SLC24A3: variants seen among roughly 807,000 people sequenced by gnomAD.
SLC24A3 encodes sodium/potassium/calcium exchanger 3.
Under a neutral mutation model 75.8 loss-of-function variants are expected in SLC24A3, and 28 were observed. That is an observed-to-expected ratio of 0.37 (90% CI 0.27 to 0.51). SLC24A3 has a LOEUF of 0.51. Among genes scored for constraint, SLC24A3 ranks in the 20% least tolerant of loss-of-function variants. SLC24A3 has a pLI of 0.94. For synonymous variants in SLC24A3, 372 were observed against 334.1 expected, an observed-to-expected ratio of 1.11 and a Z score of -1.24; for missense variants, 663 against 847.8, an observed-to-expected ratio of 0.78 and a Z score of 2.71.
intron 1 of SLC24A3, chr20:19,242,618 C>A (rs1336040852): frequency 6.6e-6 from 1 of 152,102 alleles, no homozygotes; most frequent in Admixed American, 6.5e-5. Context: ...CATGACCTTC[C>A]TACAGATATA....
intron 2 of SLC24A3, among the ~76,000 whole-genome samples, chr20:19,468,433 C>T (rs1365392909): frequency 2.0e-5 from 3 of 151,896 alleles, no homozygotes; most frequent in African/African-American, 7.3e-5. Flanking sequence ...AGGGACATTT[C>T]CATTTTAACA....
intron 2 of SLC24A3, among the ~76,000 whole-genome samples, chr20:19,443,676 C>T (rs1247220198): frequency 6.6e-6 from 1 of 152,094 alleles, no homozygotes; most frequent in Non-Finnish European, 1.5e-5. Context: ...TTTTCTTGTC[C>T]TATTACATTG....
At chr20:19,298,478 G>A (rs948818502) in intron 2 of SLC24A3, among the ~76,000 whole-genome samples, 2 of 152,192 alleles carry the variant, frequency 1.3e-5, no homozygotes, top group Non-Finnish European at 2.9e-5. Flanking sequence ...GCCTTGCTAA[G>A]TTCTTGTTCC....
At chr20:19,291,961 C>T (rs907405663) in intron 2 of SLC24A3, among the ~76,000 whole-genome samples, 4 of 152,312 alleles carry the variant, frequency 2.6e-5, no homozygotes, top group African/African-American at 9.6e-5. Flanking sequence ...CAGTACCCAC[C>T]CTGTCTTGGG....
At chr20:19,255,162 C>T (rs1982775599) in intron 1 of SLC24A3, among the ~76,000 whole-genome samples, 1 of 152,248 alleles carries the variant, frequency 6.6e-6, no homozygotes, top group Admixed American at 6.5e-5. Flanking sequence ...GTTTGTACCT[C>T]ATCTCCAGGG....
intron 2 of SLC24A3, among the ~76,000 whole-genome samples, chr20:19,363,739 G>A (rs556714968): frequency 2.4e-4 from 37 of 152,246 alleles, no homozygotes; most frequent in South Asian, 2.1e-4. Flanking sequence ...CTTAACAATC[G>A]CTTATTTTGT....
In SLC24A3 at chr20:19,654,612, C is replaced by T. The variant is rs572709398; in HGVS notation, c.687+476C>T. Among the ~76,000 whole-genome samples the T allele has an allele frequency of 4.0e-5, 6 of 151,668 alleles. No individual in the cohort carries two copies. In the South Asian group the frequency reaches 1.3e-3, roughly 32 times the overall value. ...AACTCTCTACTAGACATCTCCATGCCCCAACTCAACATGTCCCTAAATAGA... is the reference window on the plus strand; with the variant it reads ...AACTCTCTACTAGACATCTCCATGCTCCAACTCAACATGTCCCTAAATAGA... On this transcript the variant is annotated intron_variant, in intron 7 of 16. Transcript: ENST00000328041.
chr20:19,292,260 C>T (rs760605269), intron 2 of SLC24A3, among the ~76,000 whole-genome samples: 1 of 152,186 alleles, frequency 6.6e-6, no homozygotes, highest in Non-Finnish European at 1.5e-5. Context: ...TTGCAACAGT[C>T]CTGAGGGGTC....
chr20:19,409,475 A>G (rs553319209), intron 2 of SLC24A3, among the ~76,000 whole-genome samples: 1 of 151,946 alleles, frequency 6.6e-6, no homozygotes, highest in Admixed American at 6.5e-5. Context: ...CAGACAAGTG[A>G]ACTAGAAAAG....
At chr20:19,531,661 A>G (rs2030301816) in intron 3 of SLC24A3, among the ~76,000 whole-genome samples, 1 of 152,238 alleles carries the variant, frequency 6.6e-6, no homozygotes, top group African/African-American at 2.4e-5. Flanking sequence ...AATCAAACAA[A>G]GAAGTATTAC....
At chr20:19,235,884 G>A (rs6035261) in intron 1 of SLC24A3, among the ~76,000 whole-genome samples, 97,215 of 152,048 alleles carry the variant, frequency 0.64, 32,292 homozygotes, top group East Asian at 0.96. Context: ...GAGCCAGTCT[G>A]TAGTCTTCAA....
intron 4 of SLC24A3, among the ~76,000 whole-genome samples, chr20:19,584,659 G>T (rs1399745483): frequency 6.6e-6 from 1 of 152,126 alleles, no homozygotes; most frequent in Non-Finnish European, 1.5e-5. Flanking sequence ...GCGGGAATTG[G>T]GTTGAAGACC....
At chr20:19,300,558 G>T (rs140791994) in intron 2 of SLC24A3, among the ~76,000 whole-genome samples, 153 of 152,328 alleles carry the variant, frequency 1.0e-3, no homozygotes, top group Middle Eastern at 3.4e-3. Flanking sequence ...TGCCAGTGTG[G>T]TCTGGTTTGT....
intron 3 of SLC24A3, among the ~76,000 whole-genome samples, chr20:19,529,262 T>A (rs1470475803): frequency 1.3e-5 from 2 of 152,196 alleles, no homozygotes; most frequent in Non-Finnish European, 2.9e-5. Context: ...TGGGTTTACA[T>A]AGAGTCTGAA....
intron 6 of SLC24A3, among the ~76,000 whole-genome samples, chr20:19,634,534 T>TA (rs2122689948): frequency 6.6e-6 from 1 of 152,156 alleles, no homozygotes; most frequent in Non-Finnish European, 1.5e-5. Context: ...TATCTATCAA[T>TA]AGGGAAATCA....
intron 1 of SLC24A3, among the ~76,000 whole-genome samples, chr20:19,268,273 TTGTGA>T (rs1379474192): frequency 2.6e-5 from 4 of 152,176 alleles, no homozygotes; most frequent in African/African-American, 7.2e-5. Context: ...GCAGGTGCCA[TTGTGA>T]ATTCATATTT....
chr20:19,247,279 C>T (rs1982521720), intron 1 of SLC24A3, among the ~76,000 whole-genome samples: 1 of 152,170 alleles, frequency 6.6e-6, no homozygotes, highest in African/African-American at 2.4e-5. Flanking sequence ...AGAAAGAATT[C>T]TGTGTGCAAA....
Position 19,684,333 on chromosome 20 carries a change from T to C in SLC24A3, c.1059T>C (p.Asn353=), listed in dbSNP as rs1242604708. Reference sequence around the variant, plus strand: ...CCATGGCCAGTCGCATGTTGATCAATGAGGTACCTGGGAAAGCACTGTCCA... The same window carrying C: ...CCATGGCCAGTCGCATGTTGATCAACGAGGTACCTGGGAAAGCACTGTCCA... The part of the protein sequence containing the change: ...RLSMASRMLI[N]ERQRLINSRA... Residue 353 remains asparagine (N), a synonymous_variant, in exon 11 of 17, where the codon AAT becomes AAC. Coordinates refer to ENST00000328041, the MANE Select transcript of SLC24A3 (RefSeq NM_020689.4). 4 of 1,613,000 alleles carry C rather than the reference T, an allele frequency of 2.5e-6. No individual in the cohort carries two copies. The Admixed American group carries it at 5.0e-5, about 20-fold the overall frequency.
intron 1 of SLC24A3, among the ~76,000 whole-genome samples, chr20:19,235,709 A>G (rs572301183): frequency 5.9e-5 from 9 of 152,186 alleles, no homozygotes; most frequent in African/African-American, 1.7e-4. Flanking sequence ...AGCGCATCAC[A>G]TGGACTGAGC....
Sources: gnomAD v4.1 joint callset for allele counts (sites outside exome capture counted in the v4.1 genomes callset) on GRCh38, gnomAD v4.1.1 for gene constraint, MANE v1.5 for transcripts, NCBI Gene and HGNC (gene_info 2026-07-23, HGNC 2026-07-21) for gene names.